ADGRG6: variants seen among roughly 807,000 people sequenced by gnomAD.
ADGRG6 encodes adhesion G protein-coupled receptor G6.
A neutral mutation model predicts 142.4 loss-of-function variants in ADGRG6; 84 were observed. The observed-to-expected ratio is 0.59, with a 90% confidence interval of 0.49 to 0.71. The LOEUF (loss-of-function observed/expected upper bound fraction) is 0.71, where lower values mean the gene tolerates loss of function less well. ADGRG6 is among the 30% of genes least tolerant of loss of function. The pLI is 0.00. For missense variants in ADGRG6, 1,367 were observed against 1,466.6 expected, an observed-to-expected ratio of 0.93 and a Z score of 1.11; for synonymous variants, 521 against 520.5, an observed-to-expected ratio of 1.00 and a Z score of -0.01.
At chr6:142,355,674 A>G (rs1022322083) in intron 2 of ADGRG6, among the ~76,000 whole-genome samples, 1 of 152,034 alleles carries the variant, frequency 6.6e-6, no homozygotes, top group African/African-American at 2.4e-5. Flanking sequence ...TGTGCCTCCT[A>G]TTGGAAACAT....
chr6:142,338,309 A>G (rs1159692191), intron 2 of ADGRG6, among the ~76,000 whole-genome samples: 1 of 151,686 alleles, frequency 6.6e-6, no homozygotes, highest in Non-Finnish European at 1.5e-5. Flanking sequence ...CGCCCGGCCT[A>G]TGCCTTGTAT....
intron 22 of ADGRG6, among the ~76,000 whole-genome samples, chr6:142,433,252 C>T (rs1246209725): frequency 6.6e-6 from 1 of 152,176 alleles, no homozygotes; most frequent in Non-Finnish European, 1.5e-5. Context: ...CTCTATTTAC[C>T]TTACCTCAGG....
At chr6:142,383,718 G>A (rs375654229) in intron 5 of ADGRG6, 42 bp from the exon 6 acceptor site, 9 of 925,354 alleles carry the variant, frequency 9.7e-6, no homozygotes, top group African/African-American at 3.3e-5. Context: ...TAACTGTCAT[G>A]TGCTCTTTGC....
chr6:142,407,455 A>G lies in ADGRG6; in HGVS notation c.2269-695A>G, dbSNP rs193062763. 1.6e-4 allele frequency among the ~76,000 whole-genome samples: 24 copies of G among 152,342 alleles called. No individual in the cohort carries two copies. The East Asian group carries it at 4.1e-3, about 26-fold the overall frequency. ...TTCCAAAACAACTGATTTGTAAGCT[A>G]TGATATAAAGAGAAATTCAGGAGAT... is the stretch of plus-strand genomic sequence containing the variant. On this transcript the variant is annotated intron_variant, in intron 15 of 24. Coordinates refer to ENST00000367609, the MANE Select transcript of ADGRG6 (RefSeq NM_198569.3).
At chr6:142,371,492 T>G (rs1283856164) in intron 4 of ADGRG6, among the ~76,000 whole-genome samples, 19 of 148,424 alleles carry the variant, frequency 1.3e-4, no homozygotes, top group South Asian at 2.2e-4. Flanking sequence ...TTGTTTTTTT[T>G]TTTTTTTTTG....
intron 22 of ADGRG6, among the ~76,000 whole-genome samples, chr6:142,426,579 C>T (rs1776958245): frequency 6.6e-6 from 1 of 152,172 alleles, no homozygotes; most frequent in African/African-American, 2.4e-5. Context: ...GGTGGATCTA[C>T]CATTCTGGGA....
chr6:142,309,606 T>G lies in ADGRG6; in HGVS notation c.65T>G (p.Phe22Cys). 2 of 1,607,580 alleles carry G rather than the reference T, an allele frequency of 1.2e-6. No individual in the cohort carries two copies. Among genetic ancestry groups the G allele is most frequent in the Non-Finnish European group, 1.7e-6 (2 of 1,176,316 alleles). ...HWKWKPSPLL[F>C]LFALYIMCVP... The stretch of plus-strand genomic sequence containing the variant: ...AAATGGAAGCCCAGTCCTCTCCTGT[T>G]CTTATTTGCTTTATATATCATGTGT... The change falls in exon 2 of 25, where the codon TTC becomes TGC. Residue 22 changes from phenylalanine (F) to cysteine (C), a missense_variant. By Grantham distance (205) the Phe-to-Cys change is radical. Transcript: ENST00000367609.
intron 20 of ADGRG6, chr6:142,417,032 A>G: frequency 1.9e-6 from 1 of 515,066 alleles, no homozygotes; most frequent in East Asian, 3.5e-5. Context: ...TTTTATTTAA[A>G]TATCTGTCAT....
chr6:142,380,039 C>T (rs1454005805), intron 4 of ADGRG6, among the ~76,000 whole-genome samples: 3 of 152,028 alleles, frequency 2.0e-5, no homozygotes, highest in Non-Finnish European at 4.4e-5. Context: ...GGGGAGAGGG[C>T]TTCCAGGTCA....
At chr6:142,415,433 C>A (rs1264217094) in intron 19 of ADGRG6, among the ~76,000 whole-genome samples, 1 of 151,724 alleles carries the variant, frequency 6.6e-6, no homozygotes, top group Non-Finnish European at 1.5e-5. Flanking sequence ...TTTTAAGATC[C>A]TTTTAACTCA....
In ADGRG6 at chr6:142,443,397, C is replaced by T. The variant is rs1186907686; in HGVS notation, c.3635C>T (p.Ser1212Leu). 6.2e-7 allele frequency: 1 copy of T among 1,611,958 alleles called. No individual in the cohort carries two copies. Among genetic ancestry groups the T allele is most frequent in the African/African-American group, 1.3e-5 (1 of 74,840 alleles). Residue 1212 changes from serine (S) to leucine (L), a missense_variant, in exon 25 of 25, where the codon TCA (serine) becomes TTA (leucine). Ser to Leu is a moderately radical substitution (Grantham distance 145). Transcript: ENST00000367609. ...KLAHADGDQT[S>L]IIPVHQVIDK... ...GCCCATGCTGATGGAGATCAAACAT[C>T]AATCATCCCTGTCCATCAGGTCATT... is the stretch of plus-strand genomic sequence containing the variant.
intron 14 of ADGRG6, among the ~76,000 whole-genome samples, chr6:142,404,744 G>A (rs1562370766): frequency 6.6e-6 from 1 of 152,124 alleles, no homozygotes; most frequent in African/African-American, 2.4e-5. Context: ...TAGGTCCTGG[G>A]TAGGCCCACC....
chr6:142,374,000 T>C (rs774224113), intron 4 of ADGRG6, among the ~76,000 whole-genome samples: 8 of 149,048 alleles, frequency 5.4e-5, no homozygotes, highest in Admixed American at 4.7e-4. Context: ...GGGACTAAGC[T>C]CCCTTGTTCT....
intron 9 of ADGRG6, 46 bp downstream of exon 9, chr6:142,394,004 C>G: frequency 1.7e-6 from 2 of 1,158,614 alleles, no homozygotes; most frequent in Non-Finnish European, 1.3e-6. Context: ...CTTTCTCTTG[C>G]TCACTACTTT....
At chr6:142,414,163 C>T (rs1242574725) in intron 18 of ADGRG6, among the ~76,000 whole-genome samples, 1 of 152,016 alleles carries the variant, frequency 6.6e-6, no homozygotes. Context: ...GTGGTCTTAC[C>T]TCAAGATTTA....
rs1422891942 is a variant in ADGRG6, at chr6:142,405,682, T to TGA, written c.2128-5_2128-4dup. ...CTTGACCAATATATCTGTGTGTGTG[T>TGA]GACAGATGGATTTTGAGAGTGGACA... is the stretch of plus-strand genomic sequence containing the variant. On this transcript the variant is annotated splice_polypyrimidine_tract_variant and splice_region_variant and intron_variant, in intron 14 of 24. Coordinates refer to ENST00000367609, the MANE Select transcript of ADGRG6 (RefSeq NM_198569.3). The TGA allele has an allele frequency of 6.3e-7, 1 of 1,599,910 alleles. No homozygotes were observed. Among genetic ancestry groups the TGA allele is most frequent in the Non-Finnish European group, 8.6e-7 (1 of 1,168,160 alleles).
At chr6:142,317,249 T>TA (rs1177456040) in intron 2 of ADGRG6, among the ~76,000 whole-genome samples, 2 of 152,118 alleles carry the variant, frequency 1.3e-5, no homozygotes, top group African/African-American at 4.8e-5. Context: ...CTGCTTTTTT[T>TA]ATTGACCTTT....
intron 15 of ADGRG6, 30 bp downstream of exon 15, chr6:142,405,858 C>T: frequency 1.3e-6 from 2 of 1,501,830 alleles, no homozygotes; most frequent in Non-Finnish European, 1.8e-6. Flanking sequence ...TATTGTTTTT[C>T]AACTGCAAAT....
intron 9 of ADGRG6, 90 bp from the exon 10 acceptor site, chr6:142,397,523 T>A: frequency 8.7e-7 from 1 of 1,146,252 alleles, no homozygotes; most frequent in Non-Finnish European, 1.3e-6. Flanking sequence ...GTGATGGTCA[T>A]CCCTCTACAT....
Sources: allele counts gnomAD v4.1 joint callset (sites outside exome capture counted in the v4.1 genomes callset), GRCh38; gene constraint gnomAD v4.1.1; transcripts MANE v1.5; gene names NCBI Gene and HGNC (gene_info 2026-07-23, HGNC 2026-07-21).